Variants in SLC1A3 observed in about 807,000 individuals in gnomAD.
SLC1A3 encodes excitatory amino acid transporter 1.
A neutral mutation model predicts 48.1 loss-of-function variants in SLC1A3; 21 were observed. That is an observed-to-expected ratio of 0.44 (90% CI 0.31 to 0.63). SLC1A3 has a LOEUF of 0.63. Ranked by LOEUF, SLC1A3 falls within the 20% of genes least tolerant of loss-of-function variation. The pLI, the probability that SLC1A3 is intolerant of heterozygous loss-of-function variation, is 0.08. For missense variants in SLC1A3, 546 were observed against 689.0 expected (o/e 0.79, Z 2.32); for synonymous variants, 239 against 251.4 (o/e 0.95, Z 0.47).
At chr5:36,647,319 C>T (rs1393148268) in intron 3 of SLC1A3, among the ~76,000 whole-genome samples, 1 of 152,180 alleles carries the variant, frequency 6.6e-6, no homozygotes, top group Non-Finnish European at 1.5e-5. Context: ...ATGAAACCTA[C>T]TTAGAGGATT....
At chr5:36,597,410 G>C (rs1393037990) in intron 1 of SLC1A3, among the ~76,000 whole-genome samples, 1 of 151,390 alleles carries the variant, frequency 6.6e-6, no homozygotes, top group Non-Finnish European at 1.5e-5. Flanking sequence ...CGCCCGGCTA[G>C]TTTTTGTATT....
intron 1 of SLC1A3, among the ~76,000 whole-genome samples, chr5:36,600,908 T>A (rs1483226821): frequency 6.6e-6 from 1 of 152,210 alleles, no homozygotes; most frequent in African/African-American, 2.4e-5. Flanking sequence ...GCCACTAAGG[T>A]TGATTTGTGC....
At chr5:36,663,748 T>C (rs942130455) in intron 3 of SLC1A3, among the ~76,000 whole-genome samples, 6 of 152,216 alleles carry the variant, frequency 3.9e-5, no homozygotes, top group Non-Finnish European at 8.8e-5. Context: ...TTTGTGATAT[T>C]ATAAACAGCC....
intron 2 of SLC1A3, among the ~76,000 whole-genome samples, chr5:36,627,335 T>C (rs1170495201): frequency 6.6e-6 from 1 of 152,174 alleles, no homozygotes; most frequent in Non-Finnish European, 1.5e-5. Flanking sequence ...TAACAATCTT[T>C]TTATGATAAT....
chr5:36,614,393 T>C (rs1221731139), intron 2 of SLC1A3, among the ~76,000 whole-genome samples: 1 of 152,214 alleles, frequency 6.6e-6, no homozygotes, highest in East Asian at 1.9e-4. Context: ...AAGTGGCTTC[T>C]ATTTCCTTAG....
chr5:36,666,699 T>C (rs1194284625), intron 3 of SLC1A3, among the ~76,000 whole-genome samples: 1 of 152,244 alleles, frequency 6.6e-6, no homozygotes, highest in East Asian at 1.9e-4. Context: ...TTTTATGTTG[T>C]CCTTTAATAC....
chr5:36,627,758 C>T (rs28458324), intron 2 of SLC1A3, among the ~76,000 whole-genome samples: 2,649 of 152,252 alleles, frequency 0.017, 60 homozygotes, highest in African/African-American at 0.061. Flanking sequence ...AAAGTGGTTG[C>T]CTTTGCTCTA....
At chr5:36,605,634 G>A (rs1019507088), upstream of SLC1A3, among the ~76,000 whole-genome samples, 8 of 151,948 alleles carry the variant, frequency 5.3e-5, no homozygotes, top group Admixed American at 5.2e-4. Flanking sequence ...CTGTGATTCT[G>A]GTATAAATTT....
chr5:36,651,442 G>C (rs1428432702), intron 3 of SLC1A3, among the ~76,000 whole-genome samples: 1 of 151,936 alleles, frequency 6.6e-6, no homozygotes, highest in Non-Finnish European at 1.5e-5. Context: ...ACTCAACTCT[G>C]GGCTCATTCC....
chr5:36,632,703 T>G (rs1021617163), intron 3 of SLC1A3, among the ~76,000 whole-genome samples: 2 of 152,254 alleles, frequency 1.3e-5, no homozygotes, highest in Non-Finnish European at 2.9e-5. Context: ...TATTATTGTG[T>G]TTCTTGGACT....
chr5:36,631,884 C>G (rs2111765437), intron 3 of SLC1A3, among the ~76,000 whole-genome samples: 1 of 152,318 alleles, frequency 6.6e-6, no homozygotes, highest in East Asian at 1.9e-4. Context: ...ACACAGACCC[C>G]TGGAGGATCC....
At chr5:36,601,504 G>A (rs1388619511), upstream of SLC1A3, among the ~76,000 whole-genome samples, 2 of 152,186 alleles carry the variant, frequency 1.3e-5, no homozygotes, top group African/African-American at 2.4e-5. Flanking sequence ...GTGGCTTAGT[G>A]ACTGCACACA....
At chr5:36,624,837 C>T (rs962960863) in intron 2 of SLC1A3, among the ~76,000 whole-genome samples, 5 of 152,110 alleles carry the variant, frequency 3.3e-5, no homozygotes, top group African/African-American at 1.2e-4. Flanking sequence ...AGTGGCTATA[C>T]CACCTTTGAG....
chr5:36,607,894 T>C (rs940741752), intron 1 of SLC1A3, among the ~76,000 whole-genome samples: 5 of 152,226 alleles, frequency 3.3e-5, no homozygotes, highest in African/African-American at 1.2e-4. Context: ...TTATTTTTAT[T>C]GACCTGGTTA....
intron 1 of SLC1A3, among the ~76,000 whole-genome samples, chr5:36,597,008 G>A (rs188952793): frequency 6.6e-6 from 1 of 152,122 alleles, no homozygotes; most frequent in Admixed American, 6.5e-5. Flanking sequence ...GGATGTTTGG[G>A]TTTTTTGGTT....
intron 3 of SLC1A3, among the ~76,000 whole-genome samples, chr5:36,631,335 C>T (rs1740125253): frequency 6.6e-6 from 1 of 152,128 alleles, no homozygotes; most frequent in South Asian, 2.1e-4. Context: ...TTGATCACCA[C>T]CTTGAAGTGG....
At chr5:36,612,480 G>A (rs762330105) in intron 2 of SLC1A3, among the ~76,000 whole-genome samples, 1 of 151,970 alleles carries the variant, frequency 6.6e-6, no homozygotes, top group Non-Finnish European at 1.5e-5. Flanking sequence ...AGCTACTTGG[G>A]GGGGCTGAAG....
At chr5:36,637,220 G>A (rs1284658530) in intron 3 of SLC1A3, among the ~76,000 whole-genome samples, 1 of 152,166 alleles carries the variant, frequency 6.6e-6, no homozygotes, top group Non-Finnish European at 1.5e-5. Flanking sequence ...CTCTATTAAT[G>A]CAGGCCAAGG....
chr5:36,608,706 A>C, intron 2 of SLC1A3, 102 bp downstream of exon 2: 1 of 1,546,840 alleles, frequency 6.5e-7, no homozygotes, highest in Non-Finnish European at 8.7e-7. Flanking sequence ...AGGTATCAAA[A>C]TGGTAGCCTA....
Sources: gnomAD v4.1 joint callset for allele counts (sites outside exome capture counted in the v4.1 genomes callset) on GRCh38, gnomAD v4.1.1 for gene constraint, MANE v1.5 for transcripts, NCBI Gene and HGNC (gene_info 2026-07-23, HGNC 2026-07-21) for gene names.